FAM107B: variants seen among roughly 807,000 people sequenced by gnomAD.
FAM107B encodes family with sequence similarity 107 member B, also known as protein FAM107B.
A neutral mutation model predicts 31.5 loss-of-function variants in FAM107B; 21 were observed. The observed-to-expected ratio is 0.67, with a 90% CI of 0.47 to 0.96. FAM107B has a LOEUF of 0.96. Among genes scored for constraint, FAM107B ranks in the 40% least tolerant of loss-of-function variants. FAM107B has a pLI of 0.00. For synonymous variants in FAM107B, 157 were observed against 141.5 expected (o/e 1.11, Z -0.78); for missense variants, 452 against 377.1 (o/e 1.20, Z -1.64).
chr10:14,631,172 C>G (rs1454169718), intron 2 of FAM107B, among the ~76,000 whole-genome samples: 1 of 152,148 alleles, frequency 6.6e-6, no homozygotes, highest in Non-Finnish European at 1.5e-5. Flanking sequence ...TTTTTTCTCA[C>G]AGATGAATCT....
chr10:14,740,257 A>G (rs968041187), intron 1 of FAM107B, among the ~76,000 whole-genome samples: 1 of 152,228 alleles, frequency 6.6e-6, no homozygotes, highest in Non-Finnish European at 1.5e-5. Flanking sequence ...CATCCAGACA[A>G]TGGCCCATTA....
chr10:14,646,089 A>C (rs1374130814), intron 2 of FAM107B, among the ~76,000 whole-genome samples: 1 of 152,130 alleles, frequency 6.6e-6, no homozygotes, highest in Non-Finnish European at 1.5e-5. Context: ...AGGTGATTAA[A>C]CAGATTGTCC....
chr10:14,595,963 T>C (rs1379045731), intron 2 of FAM107B, among the ~76,000 whole-genome samples: 2 of 152,140 alleles, frequency 1.3e-5, no homozygotes, highest in African/African-American at 2.4e-5. Flanking sequence ...ACAAGGTCCA[T>C]CTCCTGCACG....
At chr10:14,693,719 C>A (rs1223182551) in intron 1 of FAM107B, among the ~76,000 whole-genome samples, 1 of 152,098 alleles carries the variant, frequency 6.6e-6, no homozygotes, top group Non-Finnish European at 1.5e-5. Context: ...TACGTATCTG[C>A]TACTTTGTAC....
chr10:14,550,494 GC>G, intron 2 of FAM107B, among the ~76,000 whole-genome samples: 1 of 152,298 alleles, frequency 6.6e-6, no homozygotes, highest in Middle Eastern at 3.4e-3. Context: ...AGTGATGTTT[GC>G]CCAAAGTCTC....
At chr10:14,617,985 G>C (rs1852896488) in intron 2 of FAM107B, among the ~76,000 whole-genome samples, 1 of 152,066 alleles carries the variant, frequency 6.6e-6, no homozygotes. Flanking sequence ...TATTAATTTT[G>C]ACTCATGTAA....
At chr10:14,661,927 C>A (rs1329599548) in intron 2 of FAM107B, among the ~76,000 whole-genome samples, 2 of 152,132 alleles carry the variant, frequency 1.3e-5, no homozygotes, top group Non-Finnish European at 2.9e-5. Flanking sequence ...GGCATTGTGG[C>A]CTTTCCCTTG....
intron 2 of FAM107B, among the ~76,000 whole-genome samples, chr10:14,569,315 G>A (rs563944759): frequency 1.3e-5 from 2 of 152,268 alleles, no homozygotes; most frequent in East Asian, 1.9e-4. Flanking sequence ...AAAGTCAGAA[G>A]GAAGATTCGA....
intron 2 of FAM107B, chr10:14,553,513 G>T: frequency 2.3e-6 from 1 of 433,562 alleles, no homozygotes; most frequent in Non-Finnish European, 4.0e-6. Context: ...TTAACAATGG[G>T]TAAGAAGGAA....
chr10:14,533,341 G>A (rs1446421949), intron 2 of FAM107B, among the ~76,000 whole-genome samples: 1 of 152,154 alleles, frequency 6.6e-6, no homozygotes, highest in Non-Finnish European at 1.5e-5. Context: ...AAGCACTGAG[G>A]AATCAAGGAT....
intron 2 of FAM107B, among the ~76,000 whole-genome samples, chr10:14,546,783 C>T (rs1005503774): frequency 6.6e-6 from 1 of 152,150 alleles, no homozygotes; most frequent in African/African-American, 2.4e-5. Context: ...ACCCTACCGA[C>T]CTTCAAAGTA....
intron 2 of FAM107B, among the ~76,000 whole-genome samples, chr10:14,583,475 C>T (rs1329959689): frequency 6.6e-6 from 1 of 152,130 alleles, no homozygotes; most frequent in Admixed American, 6.5e-5. Context: ...AGCGGGAAGT[C>T]ACCACCCACT....
At chr10:14,528,096 G>A (rs545306167) in intron 3 of FAM107B, 26 of 332,610 alleles carry the variant, frequency 7.8e-5, no homozygotes, top group African/African-American at 5.7e-4. Flanking sequence ...CACATAGGAA[G>A]TGGAAGATAG....
intron 2 of FAM107B, chr10:14,555,896 C>CACAA (rs1849654138): frequency 6.6e-6 from 1 of 150,638 alleles, no homozygotes; most frequent in South Asian, 2.1e-4. Context: ...ACATCTTTAA[C>CACAA]ACACACACAC....
In FAM107B at chr10:14,769,320, T is replaced by A. The variant is rs115749445; in HGVS notation, c.411+4933A>T. On this transcript the variant is annotated intron_variant, in intron 1 of 4. Transcript: ENST00000181796. ...TTGCTAAACCAACCTGTTCCAAAAA[T>A]CAATGAAGTTGTCAATTCCAAGATG... 2.6e-3 allele frequency among the ~76,000 whole-genome samples: 403 copies of A among 152,302 alleles called. 2 individuals carry two copies. The highest frequency in any genetic ancestry group is 9.1e-3 in the African/African-American group (378 of 41,568).
At chr10:14,597,481 G>A (rs1419720945) in intron 2 of FAM107B, among the ~76,000 whole-genome samples, 1 of 152,118 alleles carries the variant, frequency 6.6e-6, no homozygotes, top group Non-Finnish European at 1.5e-5. Flanking sequence ...CAAAACTCTT[G>A]TCCAAGAATG....
At chr10:14,648,037 A>G (rs1853803794) in intron 2 of FAM107B, among the ~76,000 whole-genome samples, 1 of 151,896 alleles carries the variant, frequency 6.6e-6, no homozygotes, top group Admixed American at 6.6e-5. Context: ...TTTTCTTAAG[A>G]GGTTTAGCAT....
chr10:14,739,053 G>T (rs1856375572), intron 1 of FAM107B, among the ~76,000 whole-genome samples: 1 of 152,132 alleles, frequency 6.6e-6, no homozygotes. Flanking sequence ...ACTTTTCCCA[G>T]CTTGGTGGTC....
At chr10:14,767,354 A>T (rs2131597409) in intron 1 of FAM107B, among the ~76,000 whole-genome samples, 1 of 151,920 alleles carries the variant, frequency 6.6e-6, no homozygotes, top group African/African-American at 2.4e-5. Flanking sequence ...AGCCTCCCGA[A>T]GTCCTGGGAT....
Sources: gnomAD v4.1 joint callset for allele counts (sites outside exome capture counted in the v4.1 genomes callset) on GRCh38, gnomAD v4.1.1 for gene constraint, MANE v1.5 for transcripts, NCBI Gene and HGNC (gene_info 2026-07-23, HGNC 2026-07-21) for gene names.